The following TMCO1 variants were observed in gnomAD, a reference collection of about 807,000 sequenced individuals.
The protein encoded by TMCO1 is transmembrane and coiled-coil domains 1, also known as calcium load-activated calcium channel.
TMCO1 carries 29 observed loss-of-function variants against 29.3 expected under a neutral mutation model. The ratio of observed to expected loss-of-function variants is 0.99; its 90% CI spans 0.74 to 1.35. TMCO1 has a LOEUF of 1.35. Among genes scored for constraint, TMCO1 ranks in the 40% most tolerant of loss-of-function variants. The pLI, the probability that TMCO1 is intolerant of heterozygous loss-of-function variation, is 0.00. For missense variants in TMCO1, 173 were observed against 225.5 expected (o/e 0.77, Z 1.49); for synonymous variants, 80 against 77.1 (o/e 1.04, Z -0.20).
At chr1:165,736,733 A>AC (rs1272689454) in intron 6 of TMCO1, among the ~76,000 whole-genome samples, 1 of 151,706 alleles carries the variant, frequency 6.6e-6, no homozygotes, top group African/African-American at 2.4e-5. Flanking sequence ...AAAAAAAAAA[A>AC]ACAAAAAACA....
At chr1:165,740,488 A>G (rs1651553259) in intron 6 of TMCO1, among the ~76,000 whole-genome samples, 1 of 152,118 alleles carries the variant, frequency 6.6e-6, no homozygotes, top group Admixed American at 6.5e-5. Context: ...TACAGGCGTG[A>G]GCCACCGCGC....
downstream of TMCO1, chr1:165,725,144 C>G: frequency 4.7e-6 from 2 of 428,736 alleles, no homozygotes; most frequent in Non-Finnish European, 4.5e-6. Context: ...CTGACTTAAG[C>G]AGAATTAATC....
At chr1:165,725,491 C>T (rs188400698), downstream of TMCO1, 6 of 454,086 alleles carry the variant, frequency 1.3e-5, no homozygotes, top group Non-Finnish European at 2.6e-5. Context: ...TAAAAGTTTA[C>T]TACTTTAGCA....
rs74496380 is a variant in TMCO1, at chr1:165,766,259, G to A, written c.148+1933C>T. Among the ~76,000 whole-genome samples, 213 of 152,324 alleles carry A rather than the reference G, an allele frequency of 1.4e-3. 2 individuals carry two copies. The East Asian group carries it at 0.021, about 15-fold the overall frequency. ...GAGGAACAAGTATTCAATTTGGGAC[G>A]TGTTGGGACTGAGCTGTCCACCAAA... On this transcript the variant is annotated intron_variant, in intron 2 of 6. Transcript: ENST00000367881.
chr1:165,730,665 G>A (rs1651123071), intron 6 of TMCO1, among the ~76,000 whole-genome samples: 3 of 152,296 alleles, frequency 2.0e-5, no homozygotes, highest in Admixed American at 6.5e-5. Flanking sequence ...TGTGATCACA[G>A]CTCACTGCAA....
chr1:165,768,728 A>C lies in TMCO1; in HGVS notation c.24T>G (p.Thr8=), dbSNP rs1172514457. 6.2e-7 allele frequency: 1 copy of C among 1,613,894 alleles called. No individual in the cohort carries two copies. Among genetic ancestry groups the C allele is most frequent in the Non-Finnish European group, 8.5e-7 (1 of 1,179,996 alleles). Residue 8 remains threonine, a synonymous_variant, in exon 1 of 7, where the codon ACT becomes ACG. Coordinates refer to ENST00000367881, the MANE Select transcript of TMCO1 (RefSeq NM_019026.6). ...ACACAGAGATAAAAACGATGAGGAG[A>C]GTGTCCGCGAACATAGTGCTCATCT... The part of the protein sequence containing the change: MSTMFAD[T]LLIVFISVCT...
At chr1:165,759,070 T>C (rs1652302285) in intron 3 of TMCO1, among the ~76,000 whole-genome samples, 1 of 152,188 alleles carries the variant, frequency 6.6e-6, no homozygotes, top group African/African-American at 2.4e-5. Context: ...TAAAAACACA[T>C]GATATGGTCA....
At chr1:165,755,647 C>A (rs953072030) in intron 3 of TMCO1, among the ~76,000 whole-genome samples, 1 of 152,090 alleles carries the variant, frequency 6.6e-6, no homozygotes, top group Admixed American at 6.5e-5. Flanking sequence ...CAGAGGGTAA[C>A]CTTGCTTCAA....
intron 6 of TMCO1, among the ~76,000 whole-genome samples, chr1:165,738,413 CT>C (rs1325175952): frequency 1.3e-5 from 2 of 152,216 alleles, no homozygotes; most frequent in African/African-American, 4.8e-5. Context: ...CATATTCTGA[CT>C]ATTCATTTCG....
intron 2 of TMCO1, 49 bp from the exon 3 acceptor site, chr1:165,759,633 G>GCATCCTTTGTTTCTTTAGT: frequency 1.4e-6 from 2 of 1,475,256 alleles, no homozygotes; most frequent in Non-Finnish European, 1.9e-6. Context: ...TTATACTAAA[G>GCATCCTTTGTTTCTTTAGT]AAACAAAGGA....
Position 165,727,347 on chromosome 1 carries a change from CCAA to C in TMCO1, c.*673_*675del, listed in dbSNP as rs1428010605. The C allele has an allele frequency of 8.8e-6, 4 of 453,832 alleles. No individual in the cohort carries two copies. The highest frequency in any genetic ancestry group is 4.7e-5 in the South Asian group (3 of 64,450). The allele number at this position is 453,832 out of a possible 1,614,324, so 28.1% of individuals were successfully genotyped here. The stretch of plus-strand genomic sequence containing the variant: ...TTGCCAAGACCCTCATTTTTAAACT[CCAA>C]CGAGTTATTACGTTCCTTTCCACTC... On this transcript the variant is annotated 3_prime_UTR_variant, in exon 7 of 7. Transcript: ENST00000367881.
intron 5 of TMCO1, among the ~76,000 whole-genome samples, chr1:165,748,859 C>T (rs1418170388): frequency 3.3e-5 from 5 of 152,202 alleles, no homozygotes; most frequent in Non-Finnish European, 7.3e-5. Context: ...CCTTCCCTTC[C>T]TCCTAACTCC....
chr1:165,730,187 T>A (rs112197832), intron 6 of TMCO1, among the ~76,000 whole-genome samples: 1,584 of 113,376 alleles, frequency 0.014, 42 homozygotes, highest in African/African-American at 0.051. Flanking sequence ...AAAAAAAAAA[T>A]TAGCCGGGAG....
At chr1:165,743,342 A>G (rs1415270813) in intron 5 of TMCO1, 31 bp from the exon 6 acceptor site, 1 of 1,601,008 alleles carries the variant, frequency 6.2e-7, no homozygotes, top group Non-Finnish European at 8.5e-7. Context: ...AAGAATTGTT[A>G]TCTTTGGAAG....
chr1:165,724,434 C>T (rs984394018), downstream of TMCO1: 18 of 453,982 alleles, frequency 4.0e-5, no homozygotes, highest in African/African-American at 3.2e-4. Flanking sequence ...AACAACACAA[C>T]TTCTTCAACA....
chr1:165,739,962 G>T (rs1288698287), intron 6 of TMCO1, among the ~76,000 whole-genome samples: 1 of 151,552 alleles, frequency 6.6e-6, no homozygotes, highest in Non-Finnish European at 1.5e-5. Flanking sequence ...AATATAAAGG[G>T]TTAGCCAGGC....
chr1:165,756,047 T>TAAAAAAAAA (rs35055828), intron 3 of TMCO1, among the ~76,000 whole-genome samples: 1 of 145,738 alleles, frequency 6.9e-6, no homozygotes. Flanking sequence ...GCAGCTTGTT[T>TAAAAAAAAA]AAAAAAAAAA....
intron 5 of TMCO1, among the ~76,000 whole-genome samples, chr1:165,748,997 C>G (rs1169211129): frequency 6.6e-6 from 1 of 152,192 alleles, no homozygotes; most frequent in Non-Finnish European, 1.5e-5. Flanking sequence ...TTCTCCATGT[C>G]TTTTCATGGC....
chr1:165,768,277 A>G lies in TMCO1; in HGVS notation c.71-8T>C. On this transcript the variant is annotated splice_polypyrimidine_tract_variant and splice_region_variant and intron_variant, in intron 1 of 6. Transcript: ENST00000367881. ...CCAGGACCCAGGTTATGCCTAAAAC[A>G]TTAAAAGCAACATGTTAATAGAGAA... The G allele has an allele frequency of 1.2e-6, 2 of 1,611,636 alleles. No individual in the cohort carries two copies. Among genetic ancestry groups the G allele is most frequent in the South Asian group, 1.1e-5 (1 of 91,024 alleles).
Sources: gnomAD v4.1 joint callset for allele counts (sites outside exome capture counted in the v4.1 genomes callset) on GRCh38, gnomAD v4.1.1 for gene constraint, MANE v1.5 for transcripts, NCBI Gene and HGNC (gene_info 2026-07-23, HGNC 2026-07-21) for gene names.